The following NRG1 variants were observed in gnomAD, a reference collection of about 807,000 sequenced individuals.
The protein encoded by NRG1 is pro-neuregulin-1, membrane-bound isoform.
A neutral mutation model predicts 63.8 loss-of-function variants in NRG1; 18 were observed. The ratio of observed to expected loss-of-function variants is 0.28; its 90% CI spans 0.19 to 0.42. NRG1 has a LOEUF of 0.42. NRG1 is among the 10% of genes least tolerant of loss of function. NRG1 has a pLI of 1.00. For synonymous variants in NRG1, 302 were observed against 301.3 expected, an observed-to-expected ratio of 1.00 and a Z score of -0.02; for missense variants, 762 against 814.7, an observed-to-expected ratio of 0.94 and a Z score of 0.79.
chr8:31,905,555 T>C (rs1336636489), intron 1 of NRG1, among the ~76,000 whole-genome samples: 2 of 152,236 alleles, frequency 1.3e-5, no homozygotes, highest in African/African-American at 4.8e-5. Context: ...GATTTTTAGA[T>C]AGATCATTCC....
intron 1 of NRG1, among the ~76,000 whole-genome samples, chr8:32,183,757 G>A (rs1841680900): frequency 6.6e-6 from 1 of 152,108 alleles, no homozygotes; most frequent in South Asian, 2.1e-4. Flanking sequence ...CCATAAATCA[G>A]GTAAGAGATA....
chr8:32,729,603 G>A (rs1823123559), intron 6 of NRG1, among the ~76,000 whole-genome samples: 1 of 152,158 alleles, frequency 6.6e-6, no homozygotes, highest in Admixed American at 6.6e-5. Context: ...ACTGATAGGA[G>A]CAATTAGCAA....
At chr8:32,352,900 C>CATAT (rs151174403) in intron 1 of NRG1, among the ~76,000 whole-genome samples, 4 of 121,702 alleles carry the variant, frequency 3.3e-5, no homozygotes, top group African/African-American at 9.0e-5. Context: ...TATATATATA[C>CATAT]ATATATATAT....
chr8:31,753,598 G>T (rs1816693827), intron 1 of NRG1, among the ~76,000 whole-genome samples: 1 of 152,054 alleles, frequency 6.6e-6, no homozygotes, highest in South Asian at 2.1e-4. Flanking sequence ...TATCAGTGGA[G>T]ACTGCGGCAT....
At chr8:32,555,678 A>G (rs1243456350) in intron 1 of NRG1, among the ~76,000 whole-genome samples, 5 of 152,088 alleles carry the variant, frequency 3.3e-5, no homozygotes, top group Non-Finnish European at 7.4e-5. Flanking sequence ...TCACCGTGTT[A>G]GCCAGGATGG....
In NRG1 at chr8:31,894,474, G is replaced by C. The variant is rs114625042; in HGVS notation, c.37+255043G>C. The stretch of plus-strand genomic sequence containing the variant: ...AAACCATATGAATGTATGTTAAAAG[G>C]CTGCATGAAAATATGGTAAATTGTT... On this transcript the variant is annotated intron_variant, in intron 1 of 10. Coordinates refer to the NRG1 transcript ENST00000519301. Among the ~76,000 whole-genome samples, 305 of 151,868 alleles carry C rather than the reference G, an allele frequency of 2.0e-3. 3 individuals are homozygous for C. Among genetic ancestry groups the C allele is most frequent in the African/African-American group, 7.1e-3 (293 of 41,406 alleles).
At chr8:32,044,732 C>A (rs777646019) in intron 1 of NRG1, among the ~76,000 whole-genome samples, 2 of 148,540 alleles carry the variant, frequency 1.3e-5, no homozygotes. Context: ...GAAGAAGTGT[C>A]AAAAAAAAAT....
intron 1 of NRG1, among the ~76,000 whole-genome samples, chr8:31,688,954 A>G (rs1382005419): frequency 1.3e-5 from 2 of 152,156 alleles, no homozygotes; most frequent in South Asian, 2.1e-4. Context: ...GGTTCAGGGG[A>G]CAATCTGTTT....
chr8:31,936,046 A>G lies in NRG1; in HGVS notation c.37+296615A>G, dbSNP rs866483772. On this transcript the variant is annotated intron_variant, in intron 1 of 10. Transcript: ENST00000519301. ...AGAGGAGGAAAGAATGGCCAATAGA[A>G]GATGGAAAGGCAGCAGTCACGGTCA... Among the ~76,000 whole-genome samples, 6 of 152,288 alleles carry G rather than the reference A, an allele frequency of 3.9e-5. No individual in the cohort carries two copies. In the South Asian group the frequency reaches 1.2e-3, roughly 32 times the overall value.
intron 1 of NRG1, among the ~76,000 whole-genome samples, chr8:31,928,998 A>T (rs1440628252): frequency 6.6e-6 from 1 of 152,176 alleles, no homozygotes; most frequent in Non-Finnish European, 1.5e-5. Flanking sequence ...ACCAGAAGCC[A>T]CTTGTATCCC....
intron 1 of NRG1, among the ~76,000 whole-genome samples, chr8:32,404,691 T>C (rs1813715329): frequency 6.6e-6 from 1 of 150,476 alleles, no homozygotes; most frequent in African/African-American, 2.4e-5. Context: ...TTCAAGCAAT[T>C]CTCCTGCCTC....
intron 1 of NRG1, among the ~76,000 whole-genome samples, chr8:32,499,763 T>C (rs1218808086): frequency 6.6e-6 from 1 of 152,192 alleles, no homozygotes; most frequent in Non-Finnish European, 1.5e-5. Flanking sequence ...TCACGTGCAT[T>C]TCCCGGAGTT....
chr8:31,850,446 C>T (rs1827104356), intron 1 of NRG1, among the ~76,000 whole-genome samples: 1 of 152,110 alleles, frequency 6.6e-6, no homozygotes, highest in African/African-American at 2.4e-5. Context: ...ACCTGAGGGT[C>T]CATGGCAACT....
chr8:32,284,927 C>A (rs1184155616), intron 1 of NRG1, among the ~76,000 whole-genome samples: 5 of 152,174 alleles, frequency 3.3e-5, no homozygotes, highest in African/African-American at 1.2e-4. Flanking sequence ...GAATATTACA[C>A]AACTGGCACG....
At chr8:32,183,663 T>C (rs967525541) in intron 1 of NRG1, among the ~76,000 whole-genome samples, 1 of 152,150 alleles carries the variant, frequency 6.6e-6, no homozygotes, top group African/African-American at 2.4e-5. Context: ...GTTAATAAAT[T>C]TGGTCTTCAT....
intron 1 of NRG1, among the ~76,000 whole-genome samples, chr8:32,430,787 G>GTTTTTTT (rs35752428): frequency 7.5e-6 from 1 of 134,150 alleles, no homozygotes; most frequent in Non-Finnish European, 1.6e-5. Context: ...AATGGTTTGG[G>GTTTTTTT]TTTTTTTTTT....
chr8:32,706,958 A>G (rs1052348202), intron 5 of NRG1, among the ~76,000 whole-genome samples: 1 of 152,088 alleles, frequency 6.6e-6, no homozygotes, highest in African/African-American at 2.4e-5. Flanking sequence ...TATAATTCAA[A>G]TTATTTAGAA....
chr8:31,781,813 T>A lies in NRG1; in HGVS notation c.37+142382T>A, dbSNP rs555266567. Reference sequence around the variant, plus strand: ...TTGCCAGCAGTGCTTAGCAACTCTATATTTTAAGTCTAAATTCCAAAAAAA... The same window carrying A: ...TTGCCAGCAGTGCTTAGCAACTCTAAATTTTAAGTCTAAATTCCAAAAAAA... On this transcript the variant is annotated intron_variant, in intron 1 of 10. Transcript: ENST00000519301. Among the ~76,000 whole-genome samples the A allele has an allele frequency of 2.5e-4, 38 of 152,180 alleles. No homozygotes were observed. The South Asian group carries it at 7.7e-3, about 31-fold the overall frequency.
At chr8:32,319,179 C>T (rs1801093478) in intron 1 of NRG1, among the ~76,000 whole-genome samples, 1 of 152,170 alleles carries the variant, frequency 6.6e-6, no homozygotes. Flanking sequence ...TCTTCCCCAA[C>T]ACACATTCCC....
Sources: gnomAD v4.1 joint callset for allele counts (sites outside exome capture counted in the v4.1 genomes callset) on GRCh38, gnomAD v4.1.1 for gene constraint, MANE v1.5 for transcripts, NCBI Gene and HGNC (gene_info 2026-07-23, HGNC 2026-07-21) for gene names.